Variants in SGO2 observed in about 807,000 individuals in gnomAD.
SGO2 encodes the protein shugoshin-like 2.
A neutral mutation model predicts 99.5 loss-of-function variants in SGO2; 68 were observed. That is an observed-to-expected ratio of 0.68 (90% CI 0.56 to 0.84). The LOEUF is 0.84. Ranked by LOEUF, SGO2 falls within the 40% of genes least tolerant of loss-of-function variation. SGO2 has a pLI of 0.00. For synonymous variants in SGO2, 457 were observed against 487.1 expected (o/e 0.94, Z 0.81); for missense variants, 1,350 against 1,436.7 (o/e 0.94, Z 0.97).
intron 2 of SGO2, chr2:200,533,336 C>CA: frequency 5.8e-6 from 2 of 346,562 alleles, no homozygotes; most frequent in Non-Finnish European, 1.0e-5. Flanking sequence ...AGTGAGGCTG[C>CA]AGTGACCCAA....
intron 5 of SGO2, among the ~76,000 whole-genome samples, chr2:200,562,630 C>T (rs1325486954): frequency 1.3e-5 from 2 of 152,296 alleles, no homozygotes; most frequent in Non-Finnish European, 1.5e-5. Flanking sequence ...GGCATTGAAT[C>T]TATAAATTAC....
At chr2:200,555,843 C>T (rs1443771400) in intron 5 of SGO2, among the ~76,000 whole-genome samples, 1 of 152,214 alleles carries the variant, frequency 6.6e-6, no homozygotes, top group Non-Finnish European at 1.5e-5. Context: ...TGAGGGAGAT[C>T]TATCAACTTT....
chr2:200,572,582 T>C lies in SGO2; in HGVS notation c.2236T>C (p.Leu746=). The stretch of plus-strand genomic sequence containing the variant: ...CACAGTTAAAAGTCACTCACTCTTT[T>C]TAACGCAAAAAGATAAGGAAATCAT... The part of the protein sequence containing the change: ...EYTVKSHSLF[L]TQKDKEIIPG... The change falls in exon 7 of 9, where the codon TTA becomes CTA. Residue 746 remains leucine (L), a synonymous_variant. Coordinates refer to ENST00000357799, the MANE Select transcript of SGO2 (RefSeq NM_152524.6). 1 of 1,612,982 alleles carries C rather than the reference T, an allele frequency of 6.2e-7. No individual in the cohort carries two copies. The highest frequency in any genetic ancestry group is 2.2e-5 in the East Asian group (1 of 44,838).
Position 200,573,758 on chromosome 2 carries a change from T to C in SGO2, c.3412T>C (p.Ser1138Pro), listed in dbSNP as rs763051248. 1 of 1,611,866 alleles carries C rather than the reference T, an allele frequency of 6.2e-7. No homozygotes were observed. The highest frequency in any genetic ancestry group is 8.5e-7 in the Non-Finnish European group (1 of 1,179,066). ...KPDFYTKAFRSLSEIHSPNIQ... is the reference protein window; with the variant it reads ...KPDFYTKAFRPLSEIHSPNIQ... ...AGACTTTTACACAAAGGCATTTAGA[T>C]CTTTGTCTGAGATACATTCACCTAA... The change falls in exon 7 of 9, where the codon TCT becomes CCT. Residue 1138 changes from serine to proline, a missense_variant. Ser to Pro is a moderately conservative substitution (Grantham distance 74). Transcript: ENST00000357799.
intron 5 of SGO2, among the ~76,000 whole-genome samples, chr2:200,565,859 T>A (rs973586127): frequency 1.3e-5 from 2 of 152,256 alleles, no homozygotes; most frequent in African/African-American, 4.8e-5. Context: ...TCAAATCAGC[T>A]ACTGAAGCTT....
chr2:200,571,231 A>G lies in SGO2; in HGVS notation c.885A>G (p.Leu295=). Reference sequence around the variant, plus strand: ...CAGACACTCCCTGTGCAACAGTTTTAGATAAACAACACATTTCAAGTCCAG... The same window carrying G: ...CAGACACTCCCTGTGCAACAGTTTTGGATAAACAACACATTTCAAGTCCAG... The part of the protein sequence containing the change: ...LSADTPCATV[L]DKQHISSPEL... Residue 295 remains leucine, a synonymous_variant, in exon 7 of 9, where the codon TTA becomes TTG. Coordinates refer to ENST00000357799, the MANE Select transcript of SGO2 (RefSeq NM_152524.6). 2 of 1,613,630 alleles carry G rather than the reference A, an allele frequency of 1.2e-6. No homozygotes were observed. The highest frequency in any genetic ancestry group is 2.2e-5 in the South Asian group (2 of 91,026).
chr2:200,572,546 A>T lies in SGO2; in HGVS notation c.2200A>T (p.Ser734Cys), dbSNP rs1275794022. ...SEVNHLDNDK[S>C]IEYTVKSHSL... ...AGTGAATCATTTAGATAATGACAAA[A>T]GTATAGAATACACAGTTAAAAGTCA... The change falls in exon 7 of 9, where the codon AGT (serine) becomes TGT (cysteine). Residue 734 changes from serine to cysteine, a missense_variant. Transcript: ENST00000357799. 2 of 1,611,874 alleles carry T rather than the reference A, an allele frequency of 1.2e-6. No individual in the cohort carries two copies. The highest frequency in any genetic ancestry group is 2.7e-5 in the African/African-American group (2 of 74,786).
chr2:200,571,521 A>G lies in SGO2; in HGVS notation c.1175A>G (p.Glu392Gly). ...IKKKSNKKTN[E>G]HGMKTFRKVK... ...AAGAAAAGTAATAAAAAAACAAATG[A>G]ACATGGAATGAAAACTTTCAGAAAA... Residue 392 changes from glutamate to glycine, a missense_variant, in exon 7 of 9, where the codon GAA (glutamate) becomes GGA (glycine). By Grantham distance (98) the Glu-to-Gly change is moderately conservative. Coordinates refer to ENST00000357799, the MANE Select transcript of SGO2 (RefSeq NM_152524.6). The G allele has an allele frequency of 6.2e-7, 1 of 1,612,160 alleles. No homozygotes were observed. The highest frequency in any genetic ancestry group is 8.5e-7 in the Non-Finnish European group (1 of 1,179,504).
intron 2 of SGO2, 167 bp downstream of exon 2, chr2:200,533,275 T>G: frequency 1.5e-6 from 1 of 664,256 alleles, no homozygotes. Flanking sequence ...CTCCTGTTAG[T>G]TGGGTGGTTT....
At chr2:200,537,021 A>G (rs1249491418) in intron 4 of SGO2, among the ~76,000 whole-genome samples, 3 of 152,236 alleles carry the variant, frequency 2.0e-5, no homozygotes, top group South Asian at 4.1e-4. Flanking sequence ...ATAGCATGCT[A>G]TACCAGATGT....
At chr2:200,527,742 G>T (rs2031170146) in intron 1 of SGO2, among the ~76,000 whole-genome samples, 1 of 152,204 alleles carries the variant, frequency 6.6e-6, no homozygotes. Flanking sequence ...CTAAGGTACA[G>T]AAGCAAACAA....
chr2:200,570,553 A>G lies in SGO2; in HGVS notation c.704-497A>G, dbSNP rs1390150661. Among the ~76,000 whole-genome samples, 1 of 92,586 alleles carries G rather than the reference A, an allele frequency of 1.1e-5. No homozygotes were observed. The highest frequency in any genetic ancestry group is 2.6e-5 in the Non-Finnish European group (1 of 38,378). The allele number at this position is 92,586 out of a possible 152,430, so 60.7% of individuals were successfully genotyped here. A position where few individuals can be genotyped will look rare whatever the true frequency, so the allele number is the denominator to read the frequency against. ...ATAATATATACACACACACATATAT[A>G]CACACATATATATGGTATACATATA... On this transcript the variant is annotated intron_variant, in intron 6 of 8. Coordinates refer to ENST00000357799, the MANE Select transcript of SGO2 (RefSeq NM_152524.6). The surrounding 1 kb of genome is among the most constrained non-coding windows in gnomAD (Gnocchi z 4.4).
intron 5 of SGO2, among the ~76,000 whole-genome samples, chr2:200,553,049 A>G (rs188108436): frequency 4.6e-4 from 70 of 152,230 alleles, no homozygotes; most frequent in East Asian, 2.3e-3. Context: ...GGGTGATAAT[A>G]TTCCTGCCTA....
At chr2:200,541,110 TCATGAGGGCAGA>T (rs2106313034) in intron 4 of SGO2, among the ~76,000 whole-genome samples, 1 of 152,314 alleles carries the variant, frequency 6.6e-6, no homozygotes, top group African/African-American at 2.4e-5. Flanking sequence ...ATTAATCCAT[TCATGAGGGCAGA>T]GCCCTCATGA....
chr2:200,539,593 T>C (rs2031861239), intron 4 of SGO2, among the ~76,000 whole-genome samples: 1 of 152,144 alleles, frequency 6.6e-6, no homozygotes, highest in Non-Finnish European at 1.5e-5. Flanking sequence ...AATTGTTAAC[T>C]GTAGGTAAGA....
At position 200,571,781 on chromosome 2, in the gene SGO2, T is replaced by C; in HGVS notation, c.1435T>C (p.Phe479Leu). 1 of 1,613,632 alleles carries C rather than the reference T, an allele frequency of 6.2e-7. No homozygotes were observed. Among genetic ancestry groups the C allele is most frequent in the East Asian group, 2.2e-5 (1 of 44,880 alleles). The change falls in exon 7 of 9, where the codon TTT becomes CTT. Residue 479 changes from phenylalanine (F) to leucine (L), a missense_variant. Transcript: ENST00000357799. ...ELKKMTLQTGFEQGDRENVLC... is the reference protein window; with the variant it reads ...ELKKMTLQTGLEQGDRENVLC... ...AAAGAAAATGACCCTTCAAACTGGCTTTGAACAAGGTGACAGAGAAAATGT... is the reference window on the plus strand; with the variant it reads ...AAAGAAAATGACCCTTCAAACTGGCCTTGAACAAGGTGACAGAGAAAATGT...
intron 1 of SGO2, 117 bp from the exon 2 acceptor site, chr2:200,532,857 C>A: frequency 9.4e-7 from 1 of 1,060,080 alleles, no homozygotes; most frequent in Non-Finnish European, 1.3e-6. Flanking sequence ...TAAAGTTTAG[C>A]AAATACTTAA....
At position 200,575,460 on chromosome 2, in the gene SGO2, GAGTA is replaced by G. The variant is rs760259700; in HGVS notation, c.3782+4_3782+7del. 1.0e-5 allele frequency: 16 copies of G among 1,561,776 alleles called. No individual in the cohort carries two copies. Among genetic ancestry groups the G allele is most frequent in the Non-Finnish European group, 1.4e-5 (16 of 1,150,746 alleles). ...CTATTTTAAAGAGCCAAGCCTCAGA[GAGTA>G]AGTATTTCAAATGATTTTAGTATGC... On this transcript the variant is annotated splice_donor_variant and splice_donor_region_variant and coding_sequence_variant and intron_variant, in exon 8 of 9. Coordinates refer to ENST00000357799, the MANE Select transcript of SGO2 (RefSeq NM_152524.6). LOFTEE classifies it high-confidence loss of function.
At chr2:200,574,573 G>A (rs559848274) in intron 7 of SGO2, among the ~76,000 whole-genome samples, 10 of 152,076 alleles carry the variant, frequency 6.6e-5, no homozygotes, top group African/African-American at 2.4e-4. Context: ...ATCTTCAAAC[G>A]CATCCTTAAA....
Sources: allele counts gnomAD v4.1 joint callset (sites outside exome capture counted in the v4.1 genomes callset), GRCh38; gene constraint gnomAD v4.1.1; non-coding constraint Gnocchi (gnomAD v3.1); transcripts MANE v1.5; gene names NCBI Gene and HGNC (gene_info 2026-07-23, HGNC 2026-07-21).